Variants in PPIL4 observed in about 807,000 individuals in gnomAD.
The protein encoded by PPIL4 is peptidylprolyl isomerase like 4.
A neutral mutation model predicts 69.1 loss-of-function variants in PPIL4; 50 were observed. That is an observed-to-expected ratio of 0.72 (90% CI 0.58 to 0.92). The LOEUF is 0.92. Among genes scored for constraint, PPIL4 ranks in the 40% least tolerant of loss-of-function variants. The pLI, the probability that PPIL4 is intolerant of heterozygous loss-of-function variation, is 0.00. For missense variants in PPIL4, 480 were observed against 587.9 expected (o/e 0.82, Z 1.90); for synonymous variants, 193 against 191.6 (o/e 1.01, Z -0.06).
At chr6:149,513,149 G>T (rs1387437760) in intron 11 of PPIL4, among the ~76,000 whole-genome samples, 1 of 148,220 alleles carries the variant, frequency 6.7e-6, no homozygotes, top group Non-Finnish European at 1.5e-5. Context: ...ACTTTGGGAA[G>T]CCAAGGCGGG....
At chr6:149,509,501 A>C (rs1285698403) in intron 12 of PPIL4, among the ~76,000 whole-genome samples, 1 of 152,248 alleles carries the variant, frequency 6.6e-6, no homozygotes, top group Non-Finnish European at 1.5e-5. Flanking sequence ...CAGAGTTTTT[A>C]GTGGAAAACA....
chr6:149,536,718 C>T (rs1248841080), intron 4 of PPIL4, among the ~76,000 whole-genome samples: 7 of 144,152 alleles, frequency 4.9e-5, no homozygotes, highest in Non-Finnish European at 9.0e-5. Context: ...AGAGGCCAGG[C>T]GCAGTGAATT....
chr6:149,545,952 G>A lies in PPIL4; in HGVS notation c.54C>T (p.Thr18=), dbSNP rs200555722. Residue 18 remains threonine, a synonymous_variant, in exon 1 of 13, where the codon ACC becomes ACT. Coordinates refer to ENST00000253329, the MANE Select transcript of PPIL4 (RefSeq NM_139126.4). ...AAGCCTCACCACGCGGCCGTTCTTC[G>A]GTGTACAAGTCGATGACGACGTCGC... is the stretch of plus-strand genomic sequence containing the variant. ...TLGDVVIDLY[T]EERPRACLNF... 1.6e-5 allele frequency: 26 copies of A among 1,590,118 alleles called. No individual in the cohort carries two copies. Among genetic ancestry groups the A allele is most frequent in the Non-Finnish European group, 2.2e-5 (26 of 1,166,082 alleles).
Position 149,521,006 on chromosome 6 carries a change from C to T in PPIL4, c.982+54G>A, listed in dbSNP as rs9485398. 1,280 of 947,246 alleles carry T rather than the reference C, an allele frequency of 1.4e-3. 11 individuals carry two copies. The African/African-American group carries it at 0.018, about 13-fold the overall frequency. 58.7% of individuals were successfully genotyped at this position (947,246 alleles called of 1,614,324 possible). A position where few individuals can be genotyped will look rare whatever the true frequency, so the allele number is the denominator to read the frequency against. On this transcript the variant is annotated intron_variant, in intron 10 of 12. Coordinates refer to ENST00000253329, the MANE Select transcript of PPIL4 (RefSeq NM_139126.4). ...CCAGCCTGGGCAACAGAGCGAGACT[C>T]CATCTCAAAAAAAAAAAAAAAGCAG...
chr6:149,525,871 C>A (rs762052039), intron 8 of PPIL4, among the ~76,000 whole-genome samples: 6 of 152,106 alleles, frequency 3.9e-5, no homozygotes, highest in African/African-American at 1.2e-4. Flanking sequence ...GAGGCCAAGA[C>A]GGACGGATCA....
At chr6:149,511,483 C>T (rs1171652453) in intron 12 of PPIL4, among the ~76,000 whole-genome samples, 2 of 151,920 alleles carry the variant, frequency 1.3e-5, no homozygotes, top group Non-Finnish European at 1.5e-5. Flanking sequence ...CCATGTTGCC[C>T]AGGCTGGTCT....
intron 12 of PPIL4, among the ~76,000 whole-genome samples, chr6:149,509,711 GGTAAGAAGA>G (rs1280467229): frequency 6.6e-6 from 1 of 152,054 alleles, no homozygotes; most frequent in African/African-American, 2.4e-5. Flanking sequence ...ATATACCCCA[GGTAAGAAGA>G]CGAGCAAAAG....
chr6:149,521,064 T>C lies in PPIL4; in HGVS notation c.978A>G (p.Gly326=), dbSNP rs186864877. The change falls in exon 10 of 13, where the codon GGA becomes GGG. Residue 326 remains glycine, a synonymous_variant. Coordinates refer to ENST00000253329, the MANE Select transcript of PPIL4 (RefSeq NM_139126.4). ...ACAAAAGATAAACCATCATACCTTT[T>C]CCTTTCCATTTAACCTTTGCAACCG... ...SQSVAKVKWK[G]KGGKYTKSDF... 1.3e-6 allele frequency: 2 copies of C among 1,530,310 alleles called. No homozygotes were observed. The highest frequency in any genetic ancestry group is 1.4e-5 in the African/African-American group (1 of 72,592). The allele number at this position is 1,530,310 out of a possible 1,614,324, so 94.8% of individuals were successfully genotyped here.
intron 1 of PPIL4, among the ~76,000 whole-genome samples, chr6:149,544,735 G>C (rs1309653101): frequency 6.6e-6 from 1 of 152,180 alleles, no homozygotes; most frequent in Non-Finnish European, 1.5e-5. Context: ...TTGTTTAGAA[G>C]AAACAGCAAA....
chr6:149,543,804 G>A (rs1486739349), intron 1 of PPIL4, among the ~76,000 whole-genome samples: 3 of 151,984 alleles, frequency 2.0e-5, no homozygotes, highest in Admixed American at 6.6e-5. Flanking sequence ...AAGCAAGATT[G>A]GCTATGTGTT....
At position 149,533,307 on chromosome 6, in the gene PPIL4, A is replaced by G; in HGVS notation, c.678+151T>C. 11 of 563,216 alleles carry G rather than the reference A, an allele frequency of 2.0e-5. No homozygotes were observed. The South Asian group carries it at 2.4e-4, about 12-fold the overall frequency. 34.9% of individuals were successfully genotyped at this position (563,216 alleles called of 1,614,324 possible). On this transcript the variant is annotated intron_variant, in intron 7 of 12. Transcript: ENST00000253329. ...TCAAATTTATTTTCACAGTAGAGCCAATTTATTACTATGCCATACCAAATT... is the reference window on the plus strand; with the variant it reads ...TCAAATTTATTTTCACAGTAGAGCCGATTTATTACTATGCCATACCAAATT...
At chr6:149,511,397 TTGTGTG>T (rs375170478) in intron 12 of PPIL4, among the ~76,000 whole-genome samples, 33 of 147,618 alleles carry the variant, frequency 2.2e-4, no homozygotes, top group African/African-American at 6.5e-4. Context: ...GCCTGGCCAA[TTGTGTG>T]TGTGTGTGTG....
At chr6:149,538,346 C>G (rs1215347478) in intron 4 of PPIL4, among the ~76,000 whole-genome samples, 1 of 151,880 alleles carries the variant, frequency 6.6e-6, no homozygotes, top group Non-Finnish European at 1.5e-5. Context: ...TTTCAACTTT[C>G]AAGTATTACT....
chr6:149,526,023 C>A (rs1777100645), intron 8 of PPIL4, among the ~76,000 whole-genome samples: 1 of 152,026 alleles, frequency 6.6e-6, no homozygotes, highest in South Asian at 2.1e-4. Context: ...CACTTGAACC[C>A]GGGAGGCAGA....
chr6:149,529,729 C>T (rs543454462), intron 7 of PPIL4, among the ~76,000 whole-genome samples: 7 of 139,910 alleles, frequency 5.0e-5, no homozygotes, highest in Non-Finnish European at 9.0e-5. Context: ...TGCCACTGTA[C>T]TCTAGCCTGA....
intron 4 of PPIL4, among the ~76,000 whole-genome samples, chr6:149,538,956 C>T (rs939205835): frequency 1.3e-5 from 2 of 152,124 alleles, no homozygotes; most frequent in Admixed American, 1.3e-4. Context: ...AAGCAATTCT[C>T]CTGTCTCAGC....
intron 2 of PPIL4, 36 bp from the exon 3 acceptor site, chr6:149,541,467 T>C (rs372090074): frequency 9.1e-6 from 14 of 1,538,184 alleles, no homozygotes. Flanking sequence ...ATTCACAGAG[T>C]TTGTTAGATA....
At chr6:149,532,466 T>A (rs1464179667) in intron 7 of PPIL4, among the ~76,000 whole-genome samples, 2 of 152,236 alleles carry the variant, frequency 1.3e-5, no homozygotes, top group Non-Finnish European at 2.9e-5. Context: ...TGTCTTGGTG[T>A]TGGGTGTTCA....
At chr6:149,512,070 C>A (rs530165275) in intron 12 of PPIL4, 85 bp downstream of exon 12, 3 of 1,149,368 alleles carry the variant, frequency 2.6e-6, no homozygotes, top group African/African-American at 3.1e-5. Context: ...CTATCCCTTA[C>A]CTCCTAAATT....
Sources: gnomAD v4.1 joint callset for allele counts (sites outside exome capture counted in the v4.1 genomes callset) on GRCh38, gnomAD v4.1.1 for gene constraint, MANE v1.5 for transcripts, NCBI Gene and HGNC (gene_info 2026-07-23, HGNC 2026-07-21) for gene names.